The following IQSEC1 variants were observed in gnomAD, a reference collection of about 807,000 sequenced individuals.
IQSEC1 encodes IQ motif and Sec7 domain ArfGEF 1.
In IQSEC1, 31 loss-of-function variants were observed where a neutral mutation model predicts 91.0. The ratio of observed to expected loss-of-function variants is 0.34; its 90% CI spans 0.26 to 0.46. The LOEUF is 0.46. IQSEC1 is among the 20% of genes least tolerant of loss of function. The pLI is 1.00. For missense variants in IQSEC1, 1,388 were observed against 1,575.6 expected (o/e 0.88, Z 2.02); for synonymous variants, 699 against 662.6 (o/e 1.05, Z -0.84).
chr3:12,908,254 G>A lies in IQSEC1; in HGVS notation c.2755+95C>T. ...AAATGCCGCACTGGCTTCGCCGCAG[G>A]CCCTGCCCCGCGTGATGCATGCCCT... On this transcript the variant is annotated intron_variant, in intron 12 of 13. Coordinates refer to ENST00000613206, the MANE Select transcript of IQSEC1 (RefSeq NM_001134382.3). This position sits in a 1 kb window ranked among gnomAD's most constrained non-coding sequence, Gnocchi z 4.9. 1 of 1,346,508 alleles carries A rather than the reference G, an allele frequency of 7.4e-7. No homozygotes were observed. The highest frequency in any genetic ancestry group is 1.0e-6 in the Non-Finnish European group (1 of 976,722). 83.4% of individuals were successfully genotyped at this position (1,346,508 alleles called of 1,614,324 possible).
In IQSEC1 at chr3:12,935,558, G is replaced by A. The variant is rs1698090226; in HGVS notation, c.1458C>T (p.Leu486=). 2 of 1,614,104 alleles carry A rather than the reference G, an allele frequency of 1.2e-6. No individual in the cohort carries two copies. The highest frequency in any genetic ancestry group is 2.2e-5 in the South Asian group (2 of 91,084). The change falls in exon 3 of 14, where the codon CTC becomes CTT. Residue 486 remains leucine, a synonymous_variant. Transcript: ENST00000613206. The surrounding 1 kb of genome is among the most constrained non-coding windows in gnomAD (Gnocchi z 8.0). ...SSRDSLREQT[L]SKQTYHKEAR... is the part of the protein sequence containing the mutation. ...CCTCCTTGTGGTAGGTCTGCTTGCT[G>A]AGCGTCTGCTCCCGCAGGCTGTCAC...
intron 1 of IQSEC1, among the ~76,000 whole-genome samples, chr3:13,002,709 T>A (rs1334235625): frequency 6.6e-6 from 1 of 152,184 alleles, no homozygotes; most frequent in African/African-American, 2.4e-5. Context: ...AAAGGAGACA[T>A]ATGAATGGCC....
intron 5 of IQSEC1, 85 bp from the exon 6 acceptor site, chr3:12,920,681 G>C: frequency 7.1e-7 from 1 of 1,412,522 alleles, no homozygotes; most frequent in Non-Finnish European, 9.8e-7. Context: ...GTCATGTGCC[G>C]CTAAGCCTCA....
chr3:12,912,408 G>A (rs1695646700), intron 9 of IQSEC1, among the ~76,000 whole-genome samples: 1 of 152,214 alleles, frequency 6.6e-6, no homozygotes, highest in South Asian at 2.1e-4. Flanking sequence ...AGGAAACTGA[G>A]GCTCAGAGAT....
chr3:13,242,162 A>G (rs1242624644), intron 1 of IQSEC1, among the ~76,000 whole-genome samples: 2 of 152,182 alleles, frequency 1.3e-5, no homozygotes, highest in African/African-American at 4.8e-5. Context: ...GGCTGGGCAC[A>G]TGGGCAACCA....
intron 1 of IQSEC1, among the ~76,000 whole-genome samples, chr3:13,210,464 G>A (rs1185569026): frequency 1.3e-5 from 2 of 152,164 alleles, no homozygotes; most frequent in Non-Finnish European, 2.9e-5. Flanking sequence ...CTCCACTGCA[G>A]AGGCACCAGC....
rs554151517 is a variant in IQSEC1, at chr3:13,216,926, A to G, written c.273-52793T>C. The stretch of plus-strand genomic sequence containing the variant: ...ACTGACCTAGAAGAGTTAATGGCAT[A>G]GGACACAGCATATCACGACGCAGGC... On this transcript the variant is annotated intron_variant, in intron 1 of 15. Coordinates refer to the IQSEC1 transcript ENST00000648114. 3.1e-4 allele frequency among the ~76,000 whole-genome samples: 47 copies of G among 152,358 alleles called. 1 individual carries two copies. The highest frequency in any genetic ancestry group is 1.0e-3 in the African/African-American group (43 of 41,588).
chr3:13,221,448 G>A (rs1194405042), intron 1 of IQSEC1, among the ~76,000 whole-genome samples: 1 of 152,198 alleles, frequency 6.6e-6, no homozygotes, highest in Admixed American at 6.5e-5. Flanking sequence ...GCATCCTCAG[G>A]GGGCACAGGA....
In IQSEC1 at chr3:12,999,583, C is replaced by T. The variant is rs149673567; in HGVS notation, c.24-57718G>A. Reference sequence around the variant, plus strand: ...GGCGGGGACATCTAGGGGAACAAAGCGTCATGTTGGGAAACAAAACCGCTC... The same window carrying T: ...GGCGGGGACATCTAGGGGAACAAAGTGTCATGTTGGGAAACAAAACCGCTC... On this transcript the variant is annotated intron_variant, in intron 1 of 13. Coordinates refer to ENST00000613206, the MANE Select transcript of IQSEC1 (RefSeq NM_001134382.3). Among the ~76,000 whole-genome samples the T allele has an allele frequency of 2.9e-3, 442 of 152,310 alleles. 3 individuals carry two copies. The Middle Eastern group carries it at 0.051, about 18-fold the overall frequency.
intron 10 of IQSEC1, among the ~76,000 whole-genome samples, chr3:12,910,706 G>A (rs1449482929): frequency 1.3e-5 from 2 of 152,268 alleles, no homozygotes; most frequent in Non-Finnish European, 2.9e-5. Context: ...GAAGGGGACA[G>A]AGAGCCCCAG....
chr3:13,203,848 G>C (rs532011532), intron 1 of IQSEC1, among the ~76,000 whole-genome samples: 1 of 152,308 alleles, frequency 6.6e-6, no homozygotes, highest in Non-Finnish European at 1.5e-5. Context: ...CATTTACTGA[G>C]CACCTAACAC....
chr3:13,245,942 T>C (rs190472114), intron 1 of IQSEC1, among the ~76,000 whole-genome samples: 2 of 152,188 alleles, frequency 1.3e-5, no homozygotes, highest in East Asian at 1.9e-4. Context: ...GACACCTCTA[T>C]TATCATGGAC....
chr3:13,015,182 C>T (rs566367912), intron 1 of IQSEC1, among the ~76,000 whole-genome samples: 4 of 152,266 alleles, frequency 2.6e-5, no homozygotes, highest in South Asian at 2.1e-4. Context: ...TCAGTTTACT[C>T]GGCTGTAAAC....
At chr3:13,033,816 G>C (rs1444742157) in intron 1 of IQSEC1, among the ~76,000 whole-genome samples, 4 of 152,154 alleles carry the variant, frequency 2.6e-5, no homozygotes, top group African/African-American at 9.7e-5. Context: ...ACCCAGCCTG[G>C]GGAGGGCAGT....
chr3:13,173,888 G>A (rs1185860337), intron 1 of IQSEC1, among the ~76,000 whole-genome samples: 1 of 152,232 alleles, frequency 6.6e-6, no homozygotes, highest in Non-Finnish European at 1.5e-5. Flanking sequence ...GGAACTCGGA[G>A]TGAGCCTGGC....
Position 12,936,638 on chromosome 3 carries a change from G to T in IQSEC1, c.378C>A (p.Thr126=), listed in dbSNP as rs1698228825. Residue 126 remains threonine (T), a synonymous_variant, in exon 3 of 14, where the codon ACC becomes ACA. Transcript: ENST00000613206. ...GGTACTGGCGAAACGCCGTCTGGATGGTGCGGGCCGCATGGCGGGTTACCA... is the reference window on the plus strand; with the variant it reads ...GGTACTGGCGAAACGCCGTCTGGATTGTGCGGGCCGCATGGCGGGTTACCA... The part of the protein sequence containing the change: ...GRLVTRHAAR[T]IQTAFRQYQM... The T allele has an allele frequency of 1.2e-6, 2 of 1,609,376 alleles. No homozygotes were observed. Among genetic ancestry groups the T allele is most frequent in the Non-Finnish European group, 1.7e-6 (2 of 1,178,264 alleles).
Position 12,900,456 on chromosome 3 carries a change from T to C in IQSEC1, c.*527A>G. On this transcript the variant is annotated 3_prime_UTR_variant, in exon 14 of 14. Transcript: ENST00000613206. ...ACACAAGTACTACCTATACAGTATA[T>C]ATATATATATATTTATATATTTATA... 1 of 719,462 alleles carries C rather than the reference T, an allele frequency of 1.4e-6. No individual in the cohort carries two copies. Among genetic ancestry groups the C allele is most frequent in the Non-Finnish European group, 1.7e-6 (1 of 590,004 alleles). The allele number at this position is 719,462 out of a possible 1,614,324, so 44.6% of individuals were successfully genotyped here.
intron 1 of IQSEC1, among the ~76,000 whole-genome samples, chr3:13,051,522 G>A (rs893789127): frequency 6.6e-6 from 1 of 152,198 alleles, no homozygotes; most frequent in Non-Finnish European, 1.5e-5. Context: ...GTCAGGTGCT[G>A]GTTACATGAG....
chr3:13,225,534 T>C (rs1559280910), intron 1 of IQSEC1, among the ~76,000 whole-genome samples: 1 of 152,202 alleles, frequency 6.6e-6, no homozygotes, highest in Non-Finnish European at 1.5e-5. Flanking sequence ...TGGCAGGTGG[T>C]AAGTACCAGA....
Sources: allele counts gnomAD v4.1 joint callset (sites outside exome capture counted in the v4.1 genomes callset), GRCh38; gene constraint gnomAD v4.1.1; non-coding constraint Gnocchi (gnomAD v3.1); transcripts MANE v1.5; gene names NCBI Gene and HGNC (gene_info 2026-07-23, HGNC 2026-07-21).